The following FAM13A variants were observed in gnomAD, a reference collection of about 807,000 sequenced individuals.
FAM13A encodes the protein protein FAM13A.
In FAM13A, 76 loss-of-function variants were observed where a neutral mutation model predicts 129.6. The ratio of observed to expected loss-of-function variants is 0.59; its 90% CI spans 0.49 to 0.71. FAM13A has a LOEUF of 0.71. FAM13A is among the 30% of genes least tolerant of loss of function. The probability of loss-of-function intolerance (pLI) is 0.00; values close to 1 mark genes in which losing one functional copy is unlikely to be tolerated. For synonymous variants in FAM13A, 443 were observed against 449.9 expected, an observed-to-expected ratio of 0.98 and a Z score of 0.20; for missense variants, 1,108 against 1,249.3, an observed-to-expected ratio of 0.89 and a Z score of 1.70.
rs112619361 is a variant in FAM13A at position 88,953,662 on chromosome 4, C to T, written c.606-15421G>A. ...TCTCCCTCCTCCCAGCTCCTCATAA[C>T]CACTATTCTGTTTCTATGAATTTTA... On this transcript the variant is annotated intron_variant, in intron 4 of 23. Coordinates refer to ENST00000264344, the MANE Select transcript of FAM13A (RefSeq NM_014883.4). Among the ~76,000 whole-genome samples, 607 of 152,254 alleles carry T rather than the reference C, an allele frequency of 4.0e-3. 3 individuals are homozygous for T. Among genetic ancestry groups the T allele is most frequent in the African/African-American group, 0.014 (585 of 41,538 alleles).
In FAM13A at chr4:88,785,381, G is replaced by A. The variant is rs555614077; in HGVS notation, c.1271+2372C>T. Reference sequence around the variant, plus strand: ...CATATACTATGACGAACTCTTGACTGTAGGCTATATTAATGATTCTTGATC... The same window carrying A: ...CATATACTATGACGAACTCTTGACTATAGGCTATATTAATGATTCTTGATC... On this transcript the variant is annotated intron_variant, in intron 10 of 23. Coordinates refer to ENST00000264344, the MANE Select transcript of FAM13A (RefSeq NM_014883.4). Among the ~76,000 whole-genome samples the A allele has an allele frequency of 2.7e-3, 411 of 152,150 alleles. 2 individuals carry two copies. The highest frequency in any genetic ancestry group is 9.5e-3 in the African/African-American group (394 of 41,498).
At chr4:88,951,650 T>C (rs1414132712) in intron 4 of FAM13A, among the ~76,000 whole-genome samples, 2 of 152,214 alleles carry the variant, frequency 1.3e-5, no homozygotes, top group Non-Finnish European at 2.9e-5. Flanking sequence ...TCAGAACTCA[T>C]GATGCTGAGT....
intron 1 of FAM13A, 150 bp from the exon 2 acceptor site, chr4:89,029,799 C>A (rs1768452281): frequency 1.4e-5 from 10 of 694,172 alleles, no homozygotes; most frequent in Non-Finnish European, 2.2e-5. Context: ...TCTCTAACAT[C>A]TCTCACATGT....
Position 89,029,636 on chromosome 4 carries a change from G to A in FAM13A, c.41C>T (p.Ala14Val), listed in dbSNP as rs114577372. ...TTTCATGTCTTCTTTCAGCCGAACC[G>A]CTGCTTTACTTTGCTTAAAGGAGCG... ...GALAICQSKA[A>V]VRLKEDMKKI... Residue 14 changes from alanine (A) to valine (V), a missense_variant, in exon 2 of 24, where the codon GCG becomes GTG. Physicochemically the swap from Ala to Val is moderately conservative, Grantham distance 64. Transcript: ENST00000264344. 1.8e-3 allele frequency: 2,868 copies of A among 1,574,444 alleles called. 4 individuals are homozygous for A. Among genetic ancestry groups the A allele is most frequent in the Admixed American group, 2.5e-3 (120 of 48,676 alleles).
At chr4:88,977,165 C>T (rs1342346177) in intron 4 of FAM13A, among the ~76,000 whole-genome samples, 1 of 152,080 alleles carries the variant, frequency 6.6e-6, no homozygotes, top group African/African-American at 2.4e-5. Flanking sequence ...TAAAATAGAA[C>T]AATTACAACA....
intron 9 of FAM13A, among the ~76,000 whole-genome samples, chr4:88,788,782 C>CTA (rs983463237): frequency 7.2e-5 from 11 of 151,984 alleles, no homozygotes; most frequent in Admixed American, 2.0e-4. Context: ...TGAAAAAGAA[C>CTA]TATATATATA....
chr4:88,817,458 G>A (rs1730979796), intron 7 of FAM13A, among the ~76,000 whole-genome samples: 1 of 152,034 alleles, frequency 6.6e-6, no homozygotes, highest in African/African-American at 2.4e-5. Flanking sequence ...AGCTACTCAG[G>A]AGGGTGAGCC....
intron 5 of FAM13A, among the ~76,000 whole-genome samples, chr4:88,909,867 C>T (rs1475873838): frequency 6.6e-6 from 1 of 152,090 alleles, no homozygotes; most frequent in African/African-American, 2.4e-5. Context: ...CACACAAAGC[C>T]ATAGATTGTA....
intron 1 of FAM13A, among the ~76,000 whole-genome samples, chr4:89,035,784 A>G (rs1286123786): frequency 6.6e-6 from 1 of 152,172 alleles, no homozygotes. Flanking sequence ...CATGTAAAAC[A>G]TGCTTATTTT....
intron 6 of FAM13A, among the ~76,000 whole-genome samples, chr4:88,879,621 G>A (rs370472745): frequency 7.2e-5 from 11 of 152,136 alleles, no homozygotes; most frequent in Non-Finnish European, 1.0e-4. Context: ...ATGGAGGTGC[G>A]GCATGTGATT....
intron 7 of FAM13A, chr4:88,823,157 G>C (rs1732369592): frequency 4.7e-6 from 7 of 1,502,624 alleles, no homozygotes; most frequent in Non-Finnish European, 6.2e-6. Flanking sequence ...CTCTGCAGTT[G>C]GCCAGTCTAC....
chr4:88,817,093 T>C (rs1197610050), intron 7 of FAM13A, among the ~76,000 whole-genome samples: 1 of 152,186 alleles, frequency 6.6e-6, no homozygotes, highest in African/African-American at 2.4e-5. Context: ...TGGATGAATC[T>C]TGAAAACATT....
At chr4:88,876,214 A>G (rs1032687111) in intron 6 of FAM13A, among the ~76,000 whole-genome samples, 2 of 152,140 alleles carry the variant, frequency 1.3e-5, no homozygotes, top group African/African-American at 4.8e-5. Context: ...TGGGTGCAGC[A>G]CACAAACATG....
In FAM13A at chr4:88,941,192, A is replaced by G. The variant is rs951472201; in HGVS notation, c.606-2951T>C. On this transcript the variant is annotated intron_variant, in intron 4 of 23. Transcript: ENST00000264344. ...CTAAAATTCCACATCACCAAATCAA[A>G]ACTAAGTTGTTATCTGACTTTCTAA... 3.9e-5 allele frequency among the ~76,000 whole-genome samples: 6 copies of G among 152,232 alleles called. No individual in the cohort carries two copies. In the South Asian group the frequency reaches 1.2e-3, roughly 32 times the overall value.
chr4:88,906,532 G>A (rs1579214619), intron 5 of FAM13A, 70 bp from the exon 6 acceptor site: 5 of 1,003,480 alleles, frequency 5.0e-6, no homozygotes, highest in Non-Finnish European at 7.5e-6. Context: ...TTACAAGGTA[G>A]TGAAAAACAG....
intron 4 of FAM13A, among the ~76,000 whole-genome samples, chr4:88,942,046 C>T (rs1754846972): frequency 6.6e-6 from 1 of 152,122 alleles, no homozygotes; most frequent in South Asian, 2.1e-4. Flanking sequence ...GATGTCAGTA[C>T]TCTGCCTTCT....
intron 4 of FAM13A, among the ~76,000 whole-genome samples, chr4:88,968,429 T>C (rs1560579919): frequency 6.6e-6 from 1 of 152,318 alleles, no homozygotes; most frequent in East Asian, 1.9e-4. Flanking sequence ...AAATTGACTC[T>C]GAAAAAAGCT....
intron 1 of FAM13A, 57 bp downstream of exon 1, chr4:89,056,881 G>A: frequency 6.6e-7 from 1 of 1,524,436 alleles, no homozygotes; most frequent in Non-Finnish European, 9.0e-7. Context: ...AGGAAGGCAA[G>A]GCCCTCTCCT....
chr4:88,978,096 A>G (rs574723145), intron 4 of FAM13A, among the ~76,000 whole-genome samples: 1 of 152,288 alleles, frequency 6.6e-6, no homozygotes, highest in Admixed American at 6.5e-5. Context: ...TAATACCTAT[A>G]ACTACCTCAC....
Sources: allele counts gnomAD v4.1 joint callset (sites outside exome capture counted in the v4.1 genomes callset), GRCh38; gene constraint gnomAD v4.1.1; transcripts MANE v1.5; gene names NCBI Gene and HGNC (gene_info 2026-07-23, HGNC 2026-07-21).